Variants in SRGAP3 observed in about 807,000 individuals in gnomAD.
The protein encoded by SRGAP3 is SLIT-ROBO Rho GTPase activating protein 3, also known as SLIT-ROBO Rho GTPase-activating protein 3.
SRGAP3 carries 39 observed loss-of-function variants against 121.1 expected under a neutral mutation model. The observed-to-expected ratio is 0.32, with a 90% CI of 0.25 to 0.42. The LOEUF (loss-of-function observed/expected upper bound fraction) is 0.42, where lower values mean the gene tolerates loss of function less well. SRGAP3 is among the 10% of genes least tolerant of loss of function. SRGAP3 has a pLI of 1.00. For missense variants in SRGAP3, 1,213 were observed against 1,470.6 expected (o/e 0.82, Z 2.86); for synonymous variants, 601 against 570.0 (o/e 1.05, Z -0.77).
chr3:9,279,139 C>T (rs890471529), intron 3 of SRGAP3, among the ~76,000 whole-genome samples: 2 of 152,144 alleles, frequency 1.3e-5, no homozygotes, highest in Non-Finnish European at 2.9e-5. Flanking sequence ...ATCCAATACC[C>T]TAAACAACCA....
chr3:9,065,063 G>A (rs1232592177), intron 4 of SRGAP3, among the ~76,000 whole-genome samples: 1 of 152,052 alleles, frequency 6.6e-6, no homozygotes, highest in African/African-American at 2.4e-5. Flanking sequence ...ACACCCATGG[G>A]AATTGAATGG....
intron 3 of SRGAP3, among the ~76,000 whole-genome samples, chr3:9,307,021 G>A (rs535072263): frequency 6.6e-6 from 1 of 152,236 alleles, no homozygotes; most frequent in Non-Finnish European, 1.5e-5. Context: ...TACCCAGGCT[G>A]AAGTACAGTG....
chr3:9,128,321 A>G (rs1231434734), intron 1 of SRGAP3, among the ~76,000 whole-genome samples: 2 of 152,272 alleles, frequency 1.3e-5, no homozygotes, highest in Non-Finnish European at 2.9e-5. Flanking sequence ...ATCAATATAA[A>G]AGGAAGATCC....
chr3:9,019,490 G>A (rs1177263204), intron 14 of SRGAP3, among the ~76,000 whole-genome samples: 1 of 152,214 alleles, frequency 6.6e-6, no homozygotes, highest in Admixed American at 6.5e-5. Flanking sequence ...CCATGGGGGA[G>A]GTGAAAGGCA....
intron 1 of SRGAP3, among the ~76,000 whole-genome samples, chr3:9,225,643 T>C (rs1318955168): frequency 6.6e-6 from 1 of 152,074 alleles, no homozygotes; most frequent in Non-Finnish European, 1.5e-5. Flanking sequence ...TGCCCGCCCT[T>C]CTGCTAGGGG....
chr3:9,292,980 C>T (rs1954893648), intron 3 of SRGAP3: 1 of 150,468 alleles, frequency 6.6e-6, no homozygotes, highest in African/African-American at 2.5e-5. Flanking sequence ...CTGTACAGTA[C>T]CTTGCTCAGG....
chr3:9,046,031 G>C (rs1369555081), intron 10 of SRGAP3, among the ~76,000 whole-genome samples: 1 of 151,912 alleles, frequency 6.6e-6, no homozygotes, highest in African/African-American at 2.4e-5. Flanking sequence ...TTTACCCGCT[G>C]GCCCAATACT....
At chr3:9,354,635 T>A (rs1354917651) in intron 1 of SRGAP3, among the ~76,000 whole-genome samples, 1 of 148,682 alleles carries the variant, frequency 6.7e-6, no homozygotes, top group African/African-American at 2.5e-5. Flanking sequence ...TGAGCCGAGA[T>A]TGCGCCACTG....
intron 1 of SRGAP3, among the ~76,000 whole-genome samples, chr3:9,170,742 A>G (rs1420835627): frequency 6.6e-6 from 1 of 152,222 alleles, no homozygotes; most frequent in Non-Finnish European, 1.5e-5. Flanking sequence ...CTGAGGCCCA[A>G]GGAGGTGAGG....
chr3:9,117,802 G>T (rs2124956611), intron 2 of SRGAP3, among the ~76,000 whole-genome samples: 1 of 152,258 alleles, frequency 6.6e-6, no homozygotes, highest in East Asian at 1.9e-4. Flanking sequence ...CTCAAGAAGT[G>T]CTAGTTTGTG....
At position 9,249,170 on chromosome 3, in the gene SRGAP3, T is replaced by C; in HGVS notation, c.-219A>G. ...GAGAAATGGCTCTAGTAGCTTGCCCTGGTCAGCTCCTCTTGCAAAAGAAGA... is the reference window on the plus strand; with the variant it reads ...GAGAAATGGCTCTAGTAGCTTGCCCCGGTCAGCTCCTCTTGCAAAAGAAGA... On this transcript the variant is annotated 5_prime_UTR_variant, in exon 1 of 22. Coordinates refer to ENST00000383836, the MANE Select transcript of SRGAP3 (RefSeq NM_014850.4). 1 of 599,736 alleles carries C rather than the reference T, an allele frequency of 1.7e-6. No individual in the cohort carries two copies. The highest frequency in any genetic ancestry group is 3.0e-6 in the Non-Finnish European group (1 of 337,122). 37.2% of individuals were successfully genotyped at this position (599,736 alleles called of 1,614,324 possible).
At chr3:9,297,553 G>A (rs1009261688) in intron 3 of SRGAP3, among the ~76,000 whole-genome samples, 5 of 151,866 alleles carry the variant, frequency 3.3e-5, no homozygotes, top group African/African-American at 1.2e-4. Context: ...ATTAAAATAA[G>A]GTCATTCAGG....
At chr3:9,055,937 T>C (rs1236977144) in intron 8 of SRGAP3, among the ~76,000 whole-genome samples, 1 of 152,166 alleles carries the variant, frequency 6.6e-6, no homozygotes, top group Non-Finnish European at 1.5e-5. Flanking sequence ...CCTCACTCTG[T>C]CATCCAGGCT....
intron 14 of SRGAP3, among the ~76,000 whole-genome samples, chr3:9,019,789 C>T (rs1246905254): frequency 6.6e-6 from 1 of 152,248 alleles, no homozygotes; most frequent in African/African-American, 2.4e-5. Context: ...CCCATCTGTT[C>T]TCTTGGCTGG....
intron 1 of SRGAP3, among the ~76,000 whole-genome samples, chr3:9,131,234 C>G (rs1431469421): frequency 1.3e-5 from 2 of 151,966 alleles, no homozygotes; most frequent in African/African-American, 4.8e-5. Context: ...GTTTCCCCCC[C>G]GGGGGACAGT....
chr3:9,011,420 C>A (rs1188491258), intron 17 of SRGAP3, among the ~76,000 whole-genome samples: 1 of 152,222 alleles, frequency 6.6e-6, no homozygotes, highest in African/African-American at 2.4e-5. Context: ...TTTTTCACAG[C>A]CTGGCTCTAC....
rs190703388 is a variant in SRGAP3, at chr3:9,225,420, T to G, written c.67+23465A>C. On this transcript the variant is annotated intron_variant, in intron 1 of 21. Transcript: ENST00000383836. ...GAACAGCTCCAGAACAGGCCCACAG[T>G]GTGGAAGTTACCAGGTTGAAGACTT... 7.9e-5 allele frequency among the ~76,000 whole-genome samples: 12 copies of G among 152,258 alleles called. No individual in the cohort carries two copies. In the East Asian group the frequency reaches 2.3e-3, roughly 29 times the overall value.
chr3:9,081,966 G>C (rs892624650), intron 3 of SRGAP3, among the ~76,000 whole-genome samples: 1 of 152,146 alleles, frequency 6.6e-6, no homozygotes, highest in African/African-American at 2.4e-5. Flanking sequence ...CTCAGGAATG[G>C]GATTAGTGCC....
chr3:9,321,047 C>T (rs1204237002), intron 3 of SRGAP3, among the ~76,000 whole-genome samples: 3 of 149,866 alleles, frequency 2.0e-5, no homozygotes, highest in Non-Finnish European at 4.4e-5. Flanking sequence ...TGCTTTGTTA[C>T]TTCTACTTGC....
Sources: allele counts gnomAD v4.1 joint callset (sites outside exome capture counted in the v4.1 genomes callset), GRCh38; gene constraint gnomAD v4.1.1; transcripts MANE v1.5; gene names NCBI Gene and HGNC (gene_info 2026-07-23, HGNC 2026-07-21).